CALN1: variants seen among roughly 807,000 people sequenced by gnomAD.
CALN1 encodes calneuron 1.
A neutral mutation model predicts 30.6 loss-of-function variants in CALN1; 17 were observed. The observed-to-expected ratio is 0.56, with a 90% CI of 0.38 to 0.83. The LOEUF (loss-of-function observed/expected upper bound fraction) is 0.83, where lower values mean the gene tolerates loss of function less well. Ranked by LOEUF, CALN1 falls within the 40% of genes least tolerant of loss-of-function variation. The probability of loss-of-function intolerance (pLI) is 0.00; values close to 1 mark genes in which losing one functional copy is unlikely to be tolerated. For missense variants in CALN1, 291 were observed against 354.9 expected, an observed-to-expected ratio of 0.82 and a Z score of 1.45; for synonymous variants, 156 against 131.4, an observed-to-expected ratio of 1.19 and a Z score of -1.28.
intron 5 of CALN1, among the ~76,000 whole-genome samples, chr7:71,981,889 T>C (rs948547729): frequency 6.6e-6 from 1 of 152,024 alleles, no homozygotes; most frequent in Non-Finnish European, 1.5e-5. Context: ...ACAGTTGTGG[T>C]GGTGGTGGTA....
intron 5 of CALN1, among the ~76,000 whole-genome samples, chr7:71,920,016 C>A (rs535759090): frequency 1.3e-5 from 2 of 152,184 alleles, no homozygotes; most frequent in Non-Finnish European, 2.9e-5. Context: ...TAAACACATG[C>A]TTTTCTCCTT....
At chr7:72,308,456 C>A (rs889856387) in intron 2 of CALN1, among the ~76,000 whole-genome samples, 3 of 150,166 alleles carry the variant, frequency 2.0e-5, no homozygotes, top group Non-Finnish European at 4.4e-5. Context: ...AAAGCTTGAG[C>A]TGCTTGGATG....
chr7:71,830,824 A>T (rs559887341), intron 5 of CALN1, among the ~76,000 whole-genome samples: 1 of 152,172 alleles, frequency 6.6e-6, no homozygotes, highest in Non-Finnish European at 1.5e-5. Context: ...TGTTATGTGG[A>T]TAGAACTCTT....
chr7:72,240,805 G>C (rs1794778744), intron 3 of CALN1, among the ~76,000 whole-genome samples: 1 of 152,168 alleles, frequency 6.6e-6, no homozygotes, highest in African/African-American at 2.4e-5. Flanking sequence ...ACTTCCACTG[G>C]TCTGAATTAT....
intron 1 of CALN1, among the ~76,000 whole-genome samples, chr7:72,429,625 A>T: frequency 6.6e-6 from 1 of 151,862 alleles, no homozygotes; most frequent in East Asian, 1.9e-4. Flanking sequence ...CAATGTCATC[A>T]TTTAAAAGAA....
At chr7:72,050,857 G>A (rs900043309) in intron 4 of CALN1, among the ~76,000 whole-genome samples, 11 of 151,888 alleles carry the variant, frequency 7.2e-5, no homozygotes, top group East Asian at 5.8e-4. Context: ...ACAAAAATTA[G>A]CCAAGCATGG....
At chr7:72,146,653 A>T (rs1352097808) in intron 3 of CALN1, among the ~76,000 whole-genome samples, 1 of 152,220 alleles carries the variant, frequency 6.6e-6, no homozygotes, top group Non-Finnish European at 1.5e-5. Context: ...AAGAGCCCAC[A>T]TTGCCAAGTC....
chr7:72,142,574 G>A (rs939295057), intron 3 of CALN1, among the ~76,000 whole-genome samples: 1 of 152,228 alleles, frequency 6.6e-6, no homozygotes, highest in Non-Finnish European at 1.5e-5. Flanking sequence ...ACAAAACGCA[G>A]CAGAAACTTC....
At chr7:72,025,375 T>C (rs1008587792) in intron 4 of CALN1, among the ~76,000 whole-genome samples, 3 of 152,198 alleles carry the variant, frequency 2.0e-5, no homozygotes, top group Admixed American at 6.5e-5. Context: ...CTGATTTGCA[T>C]GCCTATCTCA....
intron 3 of CALN1, among the ~76,000 whole-genome samples, chr7:72,199,207 G>A (rs1312691850): frequency 6.6e-6 from 1 of 152,190 alleles, no homozygotes; most frequent in Non-Finnish European, 1.5e-5. Flanking sequence ...CCTGAGAGGT[G>A]AAGGTTGCAG....
At chr7:72,142,966 C>T (rs1810065344) in intron 3 of CALN1, among the ~76,000 whole-genome samples, 1 of 152,156 alleles carries the variant, frequency 6.6e-6, no homozygotes, top group South Asian at 2.1e-4. Context: ...ACACCAAAAC[C>T]CTATCTGTAC....
In CALN1 at chr7:72,139,842, A is replaced by C. The variant is rs143143354; in HGVS notation, c.245-33548T>G. On this transcript the variant is annotated intron_variant, in intron 3 of 6. Coordinates refer to ENST00000395275, the MANE Select transcript of CALN1 (RefSeq NM_031468.4). ...TATATACTATGTTGCTACTTCCCTTATCTCTCTTTGCAAATGACAAACACC... is the reference window on the plus strand; with the variant it reads ...TATATACTATGTTGCTACTTCCCTTCTCTCTCTTTGCAAATGACAAACACC... Among the ~76,000 whole-genome samples the C allele has an allele frequency of 4.2e-4, 64 of 152,238 alleles. No homozygotes were observed. The East Asian group carries it at 0.012, about 28-fold the overall frequency.
chr7:72,255,168 C>A (rs1251649479), intron 3 of CALN1, among the ~76,000 whole-genome samples: 1 of 152,146 alleles, frequency 6.6e-6, no homozygotes, highest in African/African-American at 2.4e-5. Flanking sequence ...TCACTGCAAC[C>A]TCTGCCTCCT....
intron 4 of CALN1, among the ~76,000 whole-genome samples, chr7:72,036,609 AC>A (rs1440116908): frequency 6.6e-6 from 1 of 151,488 alleles, no homozygotes; most frequent in Non-Finnish European, 1.5e-5. Context: ...GCCTGTTTGA[AC>A]CCTTCTAGTG....
intron 3 of CALN1, among the ~76,000 whole-genome samples, chr7:72,178,536 A>T (rs1321756325): frequency 1.3e-5 from 2 of 152,092 alleles, no homozygotes; most frequent in African/African-American, 4.8e-5. Flanking sequence ...TGAAAAGACA[A>T]AAATTAGCCA....
At chr7:71,916,277 G>C (rs1794684555) in intron 5 of CALN1, among the ~76,000 whole-genome samples, 1 of 152,024 alleles carries the variant, frequency 6.6e-6, no homozygotes, top group Non-Finnish European at 1.5e-5. Context: ...GGAAGAGAGA[G>C]AAGACTTGGG....
intron 5 of CALN1, among the ~76,000 whole-genome samples, chr7:71,906,429 A>G (rs1366891946): frequency 6.6e-6 from 1 of 152,150 alleles, no homozygotes; most frequent in East Asian, 1.9e-4. Context: ...ATTTAGGGAG[A>G]AATATAGTAG....
chr7:71,811,672 TTTTC>T (rs1787964624), intron 5 of CALN1, among the ~76,000 whole-genome samples: 1 of 124,194 alleles, frequency 8.1e-6, no homozygotes, highest in Admixed American at 7.7e-5. Flanking sequence ...TCGCTTTCTT[TTTTC>T]TTTTTTTTTT....
At chr7:72,059,436 CA>C (rs2129536857) in intron 4 of CALN1, among the ~76,000 whole-genome samples, 1 of 146,570 alleles carries the variant, frequency 6.8e-6, no homozygotes, top group South Asian at 2.2e-4. Context: ...TCCCAACCCT[CA>C]TTCTTGCCTT....
Sources: gnomAD v4.1 joint callset for allele counts (sites outside exome capture counted in the v4.1 genomes callset) on GRCh38, gnomAD v4.1.1 for gene constraint, MANE v1.5 for transcripts, NCBI Gene and HGNC (gene_info 2026-07-23, HGNC 2026-07-21) for gene names.